Variants in NME7 observed in about 807,000 individuals in gnomAD.
NME7 encodes the protein nucleoside diphosphate kinase 7.
A neutral mutation model predicts 49.1 loss-of-function variants in NME7; 41 were observed. The ratio of observed to expected loss-of-function variants is 0.83; its 90% confidence interval spans 0.65 to 1.08. NME7 has a LOEUF of 1.08. Ranked by LOEUF, NME7 falls within the 50% of genes least tolerant of loss-of-function variation. The probability of loss-of-function intolerance (pLI) is 0.00; values close to 1 mark genes in which losing one functional copy is unlikely to be tolerated. For synonymous variants in NME7, 139 were observed against 150.6 expected, an observed-to-expected ratio of 0.92 and a Z score of 0.56; for missense variants, 423 against 463.4, an observed-to-expected ratio of 0.91 and a Z score of 0.80.
At chr1:169,355,797 C>T (rs2101984064) in intron 1 of NME7, among the ~76,000 whole-genome samples, 1 of 152,188 alleles carries the variant, frequency 6.6e-6, no homozygotes, top group Non-Finnish European at 1.5e-5. Flanking sequence ...CTTATCAAAA[C>T]CTCAAATTAT....
chr1:169,278,507 G>T (rs201269652), intron 7 of NME7, among the ~76,000 whole-genome samples: 1 of 151,714 alleles, frequency 6.6e-6, no homozygotes, highest in African/African-American at 2.4e-5. Flanking sequence ...CATTCTTCAC[G>T]TAGTTCTCGA....
At chr1:169,367,602 A>G in intron 1 of NME7, 106 bp downstream of exon 1, 1 of 1,239,120 alleles carries the variant, frequency 8.1e-7, no homozygotes, top group Non-Finnish European at 1.2e-6. Flanking sequence ...TAACGGGGAG[A>G]AGGTCGGGAG....
intron 10 of NME7, among the ~76,000 whole-genome samples, chr1:169,229,607 AC>A (rs1647506856): frequency 6.6e-6 from 1 of 152,218 alleles, no homozygotes; most frequent in African/African-American, 2.4e-5. Flanking sequence ...ATCTAGCAGC[AC>A]TTTGACACAA....
chr1:169,220,212 T>A (rs1661099135), intron 10 of NME7, among the ~76,000 whole-genome samples: 1 of 152,196 alleles, frequency 6.6e-6, no homozygotes, highest in African/African-American at 2.4e-5. Flanking sequence ...AATTAAAAAA[T>A]AAATCTAATT....
At chr1:169,303,329 C>T (rs907825227) in intron 4 of NME7, 134 bp from the exon 5 acceptor site, 5 of 398,732 alleles carry the variant, frequency 1.3e-5, no homozygotes, top group Non-Finnish European at 2.2e-5. Context: ...AATTTTTCAC[C>T]AAATATTCTG....
chr1:169,222,273 C>T (rs1023868380), intron 10 of NME7, among the ~76,000 whole-genome samples: 4 of 152,004 alleles, frequency 2.6e-5, no homozygotes, highest in African/African-American at 9.7e-5. Context: ...TTTTATCTCT[C>T]TGTCTCTCTC....
At chr1:169,238,516 C>CACA in intron 7 of NME7, among the ~76,000 whole-genome samples, 4 of 149,528 alleles carry the variant, frequency 2.7e-5, no homozygotes, top group African/African-American at 4.9e-5. Context: ...CACACACACA[C>CACA]CATATTCTGG....
chr1:169,300,381 T>A (rs12118645), intron 5 of NME7, among the ~76,000 whole-genome samples: 1 of 151,968 alleles, frequency 6.6e-6, no homozygotes, highest in Non-Finnish European at 1.5e-5. Context: ...ACATACAAAT[T>A]TTTTTAAAAA....
intron 10 of NME7, among the ~76,000 whole-genome samples, chr1:169,174,963 T>C (rs1017752479): frequency 6.6e-6 from 1 of 152,230 alleles, no homozygotes; most frequent in Non-Finnish European, 1.5e-5. Flanking sequence ...AAATTAACCT[T>C]AGCTTACTGT....
Position 169,252,222 on chromosome 1 carries a change from G to A in NME7, c.755-14535C>T, listed in dbSNP as rs1485819454. Among the ~76,000 whole-genome samples the A allele has an allele frequency of 5.3e-5, 8 of 151,698 alleles. No individual in the cohort carries two copies. In the South Asian group the frequency reaches 1.5e-3, roughly 28 times the overall value. ...TTTCTCCACATCCCCTCCAGCACCT[G>A]TTGTTTCCTGACTTTTTAATGATTG... On this transcript the variant is annotated intron_variant, in intron 7 of 11. Transcript: ENST00000367811.
At chr1:169,227,065 A>G (rs1647373952) in intron 10 of NME7, among the ~76,000 whole-genome samples, 1 of 152,204 alleles carries the variant, frequency 6.6e-6, no homozygotes, top group Non-Finnish European at 1.5e-5. Context: ...AGGACCCAGG[A>G]GTGAGCCTTG....
intron 11 of NME7, among the ~76,000 whole-genome samples, chr1:169,167,029 C>T (rs1659434824): frequency 6.6e-6 from 1 of 152,072 alleles, no homozygotes; most frequent in African/African-American, 2.4e-5. Flanking sequence ...ACCAAGAACA[C>T]TTTTGTAAAG....
At chr1:169,285,060 C>A (rs934942162) in intron 7 of NME7, 2 of 151,936 alleles carry the variant, frequency 1.3e-5, no homozygotes, top group Non-Finnish European at 2.9e-5. Context: ...CAAATATACA[C>A]GGGTGTATGT....
chr1:169,253,881 A>G (rs1648763974), intron 7 of NME7, among the ~76,000 whole-genome samples: 1 of 150,634 alleles, frequency 6.6e-6, no homozygotes, highest in African/African-American at 2.4e-5. Flanking sequence ...ATTTGTGTAT[A>G]TTGAACCAGC....
chr1:169,250,655 G>T (rs1393253645), intron 7 of NME7, among the ~76,000 whole-genome samples: 2 of 151,986 alleles, frequency 1.3e-5, no homozygotes, highest in Non-Finnish European at 1.5e-5. Context: ...ATATTCCAGA[G>T]ATTTTGATAA....
At chr1:169,209,995 T>C (rs1461522244) in intron 10 of NME7, among the ~76,000 whole-genome samples, 1 of 152,172 alleles carries the variant, frequency 6.6e-6, no homozygotes, top group Non-Finnish European at 1.5e-5. Context: ...ATAGTTGTAA[T>C]ATATACAACT....
At chr1:169,163,946 T>G (rs1659323265) in intron 11 of NME7, among the ~76,000 whole-genome samples, 1 of 151,956 alleles carries the variant, frequency 6.6e-6, no homozygotes, top group African/African-American at 2.4e-5. Context: ...CTGTCTCTAC[T>G]AAAAATACAA....
rs569253125 is a variant in NME7 at position 169,219,807 on chromosome 1, T to C, written c.990+10911A>G. 9.2e-5 allele frequency among the ~76,000 whole-genome samples: 14 copies of C among 152,282 alleles called. No homozygotes were observed. The South Asian group carries it at 2.5e-3, about 27-fold the overall frequency. On this transcript the variant is annotated intron_variant, in intron 10 of 11. Coordinates refer to ENST00000367811, the MANE Select transcript of NME7 (RefSeq NM_013330.5). ...CCCAATAAATAAACATGATATCAGG[T>C]TCATAGCAAGTGTTTAATAAATGCC... is the stretch of plus-strand genomic sequence containing the variant.
At chr1:169,277,828 T>C (rs1402919632) in intron 7 of NME7, among the ~76,000 whole-genome samples, 1 of 136,522 alleles carries the variant, frequency 7.3e-6, no homozygotes, top group African/African-American at 2.6e-5. Context: ...CTGGTACCAG[T>C]TGTTCCTTTC....
Sources: allele counts gnomAD v4.1 joint callset (sites outside exome capture counted in the v4.1 genomes callset), GRCh38; gene constraint gnomAD v4.1.1; transcripts MANE v1.5; gene names NCBI Gene and HGNC (gene_info 2026-07-23, HGNC 2026-07-21).